Variants in CREBBP observed in about 807,000 individuals in gnomAD.
The protein encoded by CREBBP is CREB binding lysine acetyltransferase.
CREBBP carries 19 observed loss-of-function variants against 265.0 expected under a neutral mutation model. The observed-to-expected ratio is 0.07, with a 90% CI of 0.05 to 0.11. CREBBP has a LOEUF of 0.11. Ranked by LOEUF, CREBBP falls within the 10% of genes least tolerant of loss-of-function variation. CREBBP has a pLI of 1.00. For synonymous variants in CREBBP, 1,457 were observed against 1,223.7 expected (o/e 1.19, Z -3.98); for missense variants, 2,525 against 3,219.0 (o/e 0.78, Z 5.22).
intron 3 of CREBBP, among the ~76,000 whole-genome samples, chr16:3,799,483 G>A (rs955887832): frequency 2.6e-5 from 4 of 152,124 alleles, no homozygotes; most frequent in South Asian, 2.1e-4. Context: ...CTGGCAATTC[G>A]GTGTAATTTT....
intron 8 of CREBBP, 122 bp downstream of exon 8, chr16:3,780,610 G>A: frequency 9.8e-7 from 1 of 1,025,458 alleles, no homozygotes. Context: ...TACCAGCAGT[G>A]AGAGTGGCTC....
At chr16:3,737,142 A>G (rs1278258385) in intron 26 of CREBBP, 3 of 459,242 alleles carry the variant, frequency 6.5e-6, no homozygotes, top group Non-Finnish European at 1.2e-5. Context: ...CCTCCTGTGC[A>G]CTGTAAAGGC....
chr16:3,843,591 T>C (rs970952888), intron 2 of CREBBP, among the ~76,000 whole-genome samples: 1 of 151,878 alleles, frequency 6.6e-6, no homozygotes, highest in Non-Finnish European at 1.5e-5. Context: ...CAGCTAATTC[T>C]TAAATTTTTT....
At chr16:3,817,275 A>G (rs1262674951) in intron 2 of CREBBP, among the ~76,000 whole-genome samples, 1 of 152,094 alleles carries the variant, frequency 6.6e-6, no homozygotes, top group Non-Finnish European at 1.5e-5. Context: ...ACTTGCACAC[A>G]GAATTACTGA....
chr16:3,808,981 G>A (rs889502755), intron 3 of CREBBP, among the ~76,000 whole-genome samples: 4 of 152,124 alleles, frequency 2.6e-5, no homozygotes, highest in African/African-American at 9.7e-5. Context: ...GCTGACCTAG[G>A]GTCCTCTGGG....
chr16:3,753,342 C>G (rs1159850450), intron 19 of CREBBP, among the ~76,000 whole-genome samples: 2 of 152,210 alleles, frequency 1.3e-5, no homozygotes, highest in African/African-American at 2.4e-5. Flanking sequence ...CACACACATA[C>G]AGCAAATTTT....
intron 2 of CREBBP, among the ~76,000 whole-genome samples, chr16:3,841,382 T>C (rs1287210593): frequency 6.6e-6 from 1 of 152,010 alleles, no homozygotes; most frequent in Non-Finnish European, 1.5e-5. Flanking sequence ...AGCGTAATAA[T>C]AAGAAAAATT....
rs143318905 is a variant in CREBBP, at chr16:3,817,605, A to G, written c.799-6826T>C. On this transcript the variant is annotated intron_variant, in intron 2 of 30. Coordinates refer to ENST00000262367, the MANE Select transcript of CREBBP (RefSeq NM_004380.3). ...AAGTCAAGTCCTTCAATATCATCAG[A>G]AAAACTCCTGATATTGAAAAGGGGT... Among the ~76,000 whole-genome samples the G allele has an allele frequency of 6.6e-4, 100 of 152,356 alleles. 1 individual carries two copies. The highest frequency in any genetic ancestry group is 6.0e-3 in the East Asian group (31 of 5,180).
In CREBBP at chr16:3,850,486, T is replaced by C. The variant is rs1441531514; in HGVS notation, c.609A>G (p.Gln203=). Residue 203 remains glutamine (Q), a synonymous_variant, in exon 2 of 31, where the codon CAA becomes CAG. Transcript: ENST00000262367. ...ATCCATTCATGACTTGCGCCTGCCC[T>C]TGTGAAGCCTGATTAATTAAGCTAT... ...SGHSLINQAS[Q]GQAQVMNGSL... 6.2e-7 allele frequency: 1 copy of C among 1,614,244 alleles called. No homozygotes were observed. The highest frequency in any genetic ancestry group is 2.2e-5 in the East Asian group (1 of 44,884).
At chr16:3,775,593 C>T (rs543194011) in intron 11 of CREBBP, among the ~76,000 whole-genome samples, 22 of 152,302 alleles carry the variant, frequency 1.4e-4, no homozygotes, top group South Asian at 2.1e-4. Flanking sequence ...CCTCAAATAA[C>T]GGAGTGCCGA....
intron 17 of CREBBP, among the ~76,000 whole-genome samples, chr16:3,758,431 C>T (rs1050872847): frequency 6.6e-5 from 10 of 152,116 alleles, no homozygotes; most frequent in Admixed American, 6.5e-4. Context: ...AATGAAATTA[C>T]AAGACAAATA....
intron 8 of CREBBP, among the ~76,000 whole-genome samples, chr16:3,780,249 A>G (rs1486939773): frequency 6.6e-6 from 1 of 151,700 alleles, no homozygotes; most frequent in East Asian, 1.9e-4. Flanking sequence ...CTCAAAAAAA[A>G]AAAAAAAAAA....
chr16:3,798,353 A>G (rs1417886092), intron 3 of CREBBP, among the ~76,000 whole-genome samples: 1 of 152,266 alleles, frequency 6.6e-6, no homozygotes, highest in Non-Finnish European at 1.5e-5. Context: ...TTTATGCTTC[A>G]AAGGATACCA....
rs757930880 is a variant in CREBBP at position 3,780,835 on chromosome 16, G to T, written c.1720C>A (p.Leu574Ile). ...DGSNSGNIGT[L>I]STIPTAAPPS... ...GGAGCTGCTGTTGGTATAGTGCTGA[G>T]GGTTCCAATGTTACCAGAGTTGGAG... is the stretch of plus-strand genomic sequence containing the variant. The change falls in exon 8 of 31, where the codon CTC (leucine) becomes ATC (isoleucine). Residue 574 changes from leucine (L) to isoleucine (I), a missense_variant. Transcript: ENST00000262367. The T allele has an allele frequency of 6.2e-7, 1 of 1,613,806 alleles. No homozygotes were observed. Among genetic ancestry groups the T allele is most frequent in the Non-Finnish European group, 8.5e-7 (1 of 1,180,034 alleles).
chr16:3,769,556 G>T (rs1199187051), intron 14 of CREBBP, among the ~76,000 whole-genome samples: 1 of 152,182 alleles, frequency 6.6e-6, no homozygotes, highest in Non-Finnish European at 1.5e-5. Context: ...TACAACTCAG[G>T]TCTTGCCACA....
chr16:3,854,023 G>T (rs993799350), intron 1 of CREBBP, among the ~76,000 whole-genome samples: 36 of 152,204 alleles, frequency 2.4e-4, no homozygotes, highest in African/African-American at 8.2e-4. Flanking sequence ...TCTGCATGGT[G>T]GCAGACCCTA....
intron 1 of CREBBP, among the ~76,000 whole-genome samples, chr16:3,862,775 G>A (rs1395822214): frequency 6.6e-6 from 1 of 152,240 alleles, no homozygotes; most frequent in South Asian, 2.1e-4. Context: ...CCACGGCAGA[G>A]CAGCCAGCTT....
intron 20 of CREBBP, 74 bp downstream of exon 20, chr16:3,751,652 G>T: frequency 6.9e-7 from 1 of 1,439,314 alleles, no homozygotes; most frequent in Non-Finnish European, 9.8e-7. Context: ...CTTCCTTATA[G>T]TCATTGGTAA....
intron 3 of CREBBP, among the ~76,000 whole-genome samples, chr16:3,802,876 AC>A (rs1223201804): frequency 6.6e-6 from 1 of 152,026 alleles, no homozygotes; most frequent in Non-Finnish European, 1.5e-5. Flanking sequence ...CACAACCTCC[AC>A]CTAGAATCAG....
Sources: gnomAD v4.1 joint callset for allele counts (sites outside exome capture counted in the v4.1 genomes callset) on GRCh38, gnomAD v4.1.1 for gene constraint, MANE v1.5 for transcripts, NCBI Gene and HGNC (gene_info 2026-07-23, HGNC 2026-07-21) for gene names.